The following TBL1XR1 variants were observed in gnomAD, a reference collection of about 807,000 sequenced individuals.
TBL1XR1 encodes the protein TBL1X/Y related 1.
TBL1XR1 carries 5 observed loss-of-function variants against 66.9 expected under a neutral mutation model. That is an observed-to-expected ratio of 0.07 (90% CI 0.04 to 0.16). The LOEUF (loss-of-function observed/expected upper bound fraction) is 0.16, where lower values mean the gene tolerates loss of function less well. Ranked by LOEUF, TBL1XR1 falls within the 10% of genes least tolerant of loss-of-function variation. TBL1XR1 has a pLI of 1.00. For missense variants in TBL1XR1, 238 were observed against 623.2 expected, an observed-to-expected ratio of 0.38 and a Z score of 6.58; for synonymous variants, 210 against 206.0, an observed-to-expected ratio of 1.02 and a Z score of -0.17.
intron 1 of TBL1XR1, among the ~76,000 whole-genome samples, chr3:177,150,227 A>AT (rs1393344991): frequency 6.6e-6 from 1 of 152,178 alleles, no homozygotes; most frequent in Non-Finnish European, 1.5e-5. Flanking sequence ...AGTAAGGAAG[A>AT]TTTTTTTAAA....
chr3:177,186,850 C>A (rs1245465650), intron 1 of TBL1XR1, among the ~76,000 whole-genome samples: 1 of 152,178 alleles, frequency 6.6e-6, no homozygotes, highest in African/African-American at 2.4e-5. Context: ...CTTTGGGAGC[C>A]TGAGGCTGGC....
intron 1 of TBL1XR1, among the ~76,000 whole-genome samples, chr3:177,140,757 T>C (rs1367001124): frequency 6.6e-6 from 1 of 152,232 alleles, no homozygotes; most frequent in East Asian, 1.9e-4. Flanking sequence ...AAGTAAATAA[T>C]AGTCATAACA....
chr3:177,123,805 C>CTCT (rs10633774), intron 1 of TBL1XR1, among the ~76,000 whole-genome samples: 137,337 of 151,742 alleles, frequency 0.91, 62,251 homozygotes, highest in East Asian at 0.95. Flanking sequence ...GAACAATCTA[C>CTCT]TCAAGTGGAT....
chr3:177,147,326 G>A (rs1457932181), intron 1 of TBL1XR1, among the ~76,000 whole-genome samples: 1 of 152,158 alleles, frequency 6.6e-6, no homozygotes, highest in Non-Finnish European at 1.5e-5. Flanking sequence ...TGGGATTACA[G>A]GGATGAGCCA....
At chr3:177,109,721 T>A (rs1366496884) in intron 1 of TBL1XR1, among the ~76,000 whole-genome samples, 3 of 151,988 alleles carry the variant, frequency 2.0e-5, no homozygotes, top group Non-Finnish European at 4.4e-5. Flanking sequence ...CAATCATAAA[T>A]GCTATGAAAA....
intron 1 of TBL1XR1, among the ~76,000 whole-genome samples, chr3:177,147,228 TTA>T (rs1245544219): frequency 6.6e-6 from 1 of 152,010 alleles, no homozygotes; most frequent in African/African-American, 2.4e-5. Flanking sequence ...TTTGGTTTTT[TTA>T]TAGAGACGAG....
chr3:177,038,214 T>C lies in TBL1XR1; in HGVS notation c.1048-42A>G, dbSNP rs762184934. 3 of 1,605,974 alleles carry C rather than the reference T, an allele frequency of 1.9e-6. 1 individual carries two copies. ...ATATTCACATTTTCATTGTATAGAC[T>C]GGGTAGCTACTTGAATATTAAACAT... On this transcript the variant is annotated intron_variant, in intron 11 of 15. Coordinates refer to ENST00000457928, the MANE Select transcript of TBL1XR1 (RefSeq NM_024665.7).
At chr3:177,112,074 AATATATAT>A (rs1170375681) in intron 1 of TBL1XR1, among the ~76,000 whole-genome samples, 663 of 40,920 alleles carry the variant, frequency 0.016, 31 homozygotes, top group Middle Eastern at 0.028. Context: ...TATAAAATCA[AATATATAT>A]ATATATATAT....
chr3:177,185,422 A>C (rs1403543819), intron 1 of TBL1XR1, among the ~76,000 whole-genome samples: 1 of 152,134 alleles, frequency 6.6e-6, no homozygotes, highest in African/African-American at 2.4e-5. Flanking sequence ...CAGCCTGGCC[A>C]ACATGGCGAA....
intron 2 of TBL1XR1, among the ~76,000 whole-genome samples, chr3:177,086,676 G>A (rs766158063): frequency 6.6e-6 from 1 of 151,712 alleles, no homozygotes; most frequent in Non-Finnish European, 1.5e-5. Flanking sequence ...AACTTTACAT[G>A]GTTATAACAA....
chr3:177,135,333 GTATACATATATATA>G (rs1242314373), intron 1 of TBL1XR1, among the ~76,000 whole-genome samples: 1 of 53,820 alleles, frequency 1.9e-5, no homozygotes, highest in Non-Finnish European at 3.7e-5. Flanking sequence ...GTGTGTGTGT[GTATACATATATATA>G]TATATATATA....
intron 2 of TBL1XR1, among the ~76,000 whole-genome samples, chr3:177,079,103 T>C (rs1179108822): frequency 6.6e-6 from 1 of 151,668 alleles, no homozygotes; most frequent in African/African-American, 2.4e-5. Flanking sequence ...CATCACACTG[T>C]TGGCTGATTA....
chr3:177,151,340 G>A (rs1273929785), intron 1 of TBL1XR1, among the ~76,000 whole-genome samples: 1 of 152,162 alleles, frequency 6.6e-6, no homozygotes, highest in Non-Finnish European at 1.5e-5. Flanking sequence ...GTTGATGATG[G>A]GGGTCCCCAA....
chr3:177,183,871 G>C (rs1197459313), intron 1 of TBL1XR1, among the ~76,000 whole-genome samples: 2 of 152,056 alleles, frequency 1.3e-5, no homozygotes, highest in East Asian at 1.9e-4. Context: ...GGAGGCCAAG[G>C]CAAGGTGGAT....
At chr3:177,044,605 A>G (rs980995847) in intron 10 of TBL1XR1, among the ~76,000 whole-genome samples, 2 of 152,190 alleles carry the variant, frequency 1.3e-5, no homozygotes, top group Admixed American at 6.5e-5. Context: ...TGGTGTATAC[A>G]TATGTCAAAA....
At chr3:177,112,097 A>T (rs1560188592) in intron 1 of TBL1XR1, among the ~76,000 whole-genome samples, 16 of 50,030 alleles carry the variant, frequency 3.2e-4, no homozygotes, top group East Asian at 2.3e-3. Context: ...ATATATATAT[A>T]TATATATATA....
At chr3:177,186,942 G>T (rs181766905) in intron 1 of TBL1XR1, among the ~76,000 whole-genome samples, 2 of 151,896 alleles carry the variant, frequency 1.3e-5, no homozygotes, top group African/African-American at 4.8e-5. Flanking sequence ...CGAGGCGGGC[G>T]GATCACAAGG....
intron 1 of TBL1XR1, among the ~76,000 whole-genome samples, chr3:177,141,223 A>G (rs1729591586): frequency 6.6e-6 from 1 of 152,196 alleles, no homozygotes; most frequent in Non-Finnish European, 1.5e-5. Context: ...GATGGGGGAA[A>G]AAGATCTTAG....
At chr3:177,028,201 G>A (rs779345709) in intron 14 of TBL1XR1, among the ~76,000 whole-genome samples, 3 of 152,062 alleles carry the variant, frequency 2.0e-5, no homozygotes, top group East Asian at 1.9e-4. Flanking sequence ...CATCATACAA[G>A]AAAGGGGAAA....
Sources: allele counts gnomAD v4.1 joint callset (sites outside exome capture counted in the v4.1 genomes callset), GRCh38; gene constraint gnomAD v4.1.1; transcripts MANE v1.5; gene names NCBI Gene and HGNC (gene_info 2026-07-23, HGNC 2026-07-21).